LHPP: variants seen among roughly 807,000 people sequenced by gnomAD.
LHPP encodes phospholysine phosphohistidine inorganic pyrophosphate phosphatase.
In LHPP, 24 loss-of-function variants were observed where a neutral mutation model predicts 30.3. The ratio of observed to expected loss-of-function variants is 0.79; its 90% CI spans 0.57 to 1.11. The LOEUF is 1.11. LHPP is among the 50% of genes most tolerant of loss of function. The pLI, the probability that LHPP is intolerant of heterozygous loss-of-function variation, is 0.00. For missense variants in LHPP, 356 were observed against 367.2 expected (o/e 0.97, Z 0.25); for synonymous variants, 150 against 157.1 (o/e 0.95, Z 0.34).
chr10:124,530,665 C>T (rs1954877101), intron 6 of LHPP, among the ~76,000 whole-genome samples: 1 of 152,248 alleles, frequency 6.6e-6, no homozygotes, highest in African/African-American at 2.4e-5. Context: ...TGTGTGCCCT[C>T]TGCCTCTCGG....
intron 5 of LHPP, among the ~76,000 whole-genome samples, chr10:124,503,627 C>G (rs1738143543): frequency 1.3e-5 from 2 of 151,914 alleles, no homozygotes; most frequent in African/African-American, 2.4e-5. Flanking sequence ...GTTCTAAAAT[C>G]AAATCCACAA....
intron 1 of LHPP, among the ~76,000 whole-genome samples, chr10:124,462,553 C>G (rs572322470): frequency 3.4e-4 from 52 of 152,130 alleles, no homozygotes; most frequent in Admixed American, 5.2e-4. Flanking sequence ...TGTGATCACC[C>G]CACTGTACTC....
chr10:124,588,631 C>G (rs567976185), intron 6 of LHPP, among the ~76,000 whole-genome samples: 45 of 152,156 alleles, frequency 3.0e-4, no homozygotes, highest in Non-Finnish European at 5.7e-4. Flanking sequence ...AAAAAATATC[C>G]ATATTGATGG....
intron 6 of LHPP, among the ~76,000 whole-genome samples, chr10:124,553,580 T>C (rs1007808706): frequency 4.2e-5 from 6 of 143,232 alleles, no homozygotes; most frequent in African/African-American, 1.6e-4. Context: ...TGCCTCAGCC[T>C]CCCGAGTAGC....
intron 6 of LHPP, among the ~76,000 whole-genome samples, chr10:124,572,369 G>A (rs889947998): frequency 1.8e-4 from 28 of 152,176 alleles, no homozygotes; most frequent in Admixed American, 3.9e-4. Context: ...GGTGGCTCAC[G>A]CCTGTAATCC....
chr10:124,532,630 T>A (rs1333386004), intron 6 of LHPP, among the ~76,000 whole-genome samples: 2 of 152,242 alleles, frequency 1.3e-5, no homozygotes, highest in East Asian at 1.9e-4. Flanking sequence ...TTAAACTGAA[T>A]AACAACAATC....
chr10:124,589,108 C>A (rs1948845028), intron 6 of LHPP, among the ~76,000 whole-genome samples: 1 of 152,218 alleles, frequency 6.6e-6, no homozygotes, highest in Non-Finnish European at 1.5e-5. Context: ...AGGACCAATG[C>A]TTCTGCCGGG....
chr10:124,572,634 A>T (rs868212750), intron 6 of LHPP, among the ~76,000 whole-genome samples: 1 of 138,794 alleles, frequency 7.2e-6, no homozygotes, highest in Non-Finnish European at 1.5e-5. Flanking sequence ...CCATCTCAAA[A>T]AAAGAAAGAA....
chr10:124,489,585 G>A (rs1023705621), intron 3 of LHPP, among the ~76,000 whole-genome samples: 1 of 152,068 alleles, frequency 6.6e-6, no homozygotes, highest in Non-Finnish European at 1.5e-5. Context: ...CTCCTGAGTA[G>A]CTGGGACTAC....
chr10:124,535,872 C>T (rs1955011210), intron 6 of LHPP, among the ~76,000 whole-genome samples: 1 of 152,224 alleles, frequency 6.6e-6, no homozygotes, highest in Non-Finnish European at 1.5e-5. Flanking sequence ...GGCCGTGGGC[C>T]CCTGAGCACC....
At chr10:124,569,582 G>A (rs1038324238) in intron 6 of LHPP, among the ~76,000 whole-genome samples, 1 of 152,232 alleles carries the variant, frequency 6.6e-6, no homozygotes, top group African/African-American at 2.4e-5. Flanking sequence ...GTCCCATGCA[G>A]CTCATTCACT....
At chr10:124,539,261 C>G (rs568771417) in intron 6 of LHPP, among the ~76,000 whole-genome samples, 1 of 152,158 alleles carries the variant, frequency 6.6e-6, no homozygotes, top group Non-Finnish European at 1.5e-5. Flanking sequence ...AGCACAGCTC[C>G]GGAGCCACTC....
intron 3 of LHPP, chr10:124,490,156 C>A: frequency 5.7e-6 from 1 of 176,806 alleles, no homozygotes; most frequent in Non-Finnish European, 1.2e-5. Flanking sequence ...GTGAGTGTCT[C>A]TGTCTGTGGG....
intron 4 of LHPP, among the ~76,000 whole-genome samples, chr10:124,497,383 T>G (rs536440396): frequency 6.6e-6 from 1 of 152,292 alleles, no homozygotes; most frequent in East Asian, 1.9e-4. Flanking sequence ...TTGTGGCTTC[T>G]GTATCAGTGC....
intron 6 of LHPP, chr10:124,605,629 A>G (rs10751599): frequency 0.95 from 145,026 of 152,348 alleles, 69,380 homozygotes; most frequent in East Asian, 1. Context: ...GAAGAGCAGC[A>G]GCCCAGACAC....
intron 1 of LHPP, among the ~76,000 whole-genome samples, chr10:124,480,082 G>A (rs1226416607): frequency 6.6e-6 from 1 of 152,140 alleles, no homozygotes; most frequent in Non-Finnish European, 1.5e-5. Context: ...TCAGTATAAT[G>A]TTGTATTAAT....
intron 6 of LHPP, among the ~76,000 whole-genome samples, chr10:124,587,578 A>G (rs1036862191): frequency 2.6e-5 from 4 of 151,368 alleles, no homozygotes; most frequent in Non-Finnish European, 4.4e-5. Flanking sequence ...CGTCTCTACT[A>G]AAAACACAAA....
At chr10:124,531,168 G>T (rs907581849) in intron 6 of LHPP, among the ~76,000 whole-genome samples, 1 of 152,172 alleles carries the variant, frequency 6.6e-6, no homozygotes, top group African/African-American at 2.4e-5. Flanking sequence ...CTTCCCTGGT[G>T]ATGGAATTCC....
chr10:124,577,233 G>A (rs546825064), intron 6 of LHPP, among the ~76,000 whole-genome samples: 22 of 152,112 alleles, frequency 1.4e-4, no homozygotes, highest in African/African-American at 4.3e-4. Flanking sequence ...TCTGATGGCC[G>A]AGGCCAGGGT....
Sources: allele counts gnomAD v4.1 joint callset (sites outside exome capture counted in the v4.1 genomes callset), GRCh38; gene constraint gnomAD v4.1.1; transcripts MANE v1.5; gene names NCBI Gene and HGNC (gene_info 2026-07-23, HGNC 2026-07-21).